Variants in MET observed in about 807,000 individuals in gnomAD.
MET encodes hepatocyte growth factor receptor.
In MET, 48 loss-of-function variants were observed where a neutral mutation model predicts 133.1. The observed-to-expected ratio is 0.36, with a 90% confidence interval of 0.29 to 0.46. The LOEUF is 0.46. MET is among the 20% of genes least tolerant of loss of function. MET has a pLI of 1.00. For missense variants in MET, 1,442 were observed against 1,695.9 expected (o/e 0.85, Z 2.63); for synonymous variants, 628 against 616.5 (o/e 1.02, Z -0.28).
At chr7:116,703,832 C>T (rs545671919) in intron 2 of MET, among the ~76,000 whole-genome samples, 3 of 152,192 alleles carry the variant, frequency 2.0e-5, no homozygotes, top group South Asian at 2.1e-4. Flanking sequence ...CAAGTGAAAT[C>T]GTACATTTTA....
Position 116,699,112 on chromosome 7 carries a change from G to A in MET, c.28G>A (p.Gly10Ser), listed in dbSNP as rs2116578256. The stretch of plus-strand genomic sequence containing the variant: ...GAAGGCCCCCGCTGTGCTTGCACCT[G>A]GCATCCTCGTGCTCCTGTTTACCTT... MKAPAVLAPGILVLLFTLVQ... is the reference protein window; with the variant it reads MKAPAVLAPSILVLLFTLVQ... Residue 10 changes from glycine (G) to serine (S), a missense_variant, in exon 2 of 21, where the codon GGC (glycine) becomes AGC (serine). Around this residue, in one of 6 missense-constraint regions of MET, gnomAD observed 762 missense variants for 792.4 expected, o/e 0.96. Coordinates refer to ENST00000397752, the MANE Select transcript of MET (RefSeq NM_000245.4). 6.2e-7 allele frequency: 1 copy of A among 1,613,832 alleles called. No individual in the cohort carries two copies. Among genetic ancestry groups the A allele is most frequent in the Non-Finnish European group, 8.5e-7 (1 of 1,179,832 alleles).
chr7:116,724,725 C>A, intron 2 of MET: 2 of 927,412 alleles, frequency 2.2e-6, no homozygotes, highest in Non-Finnish European at 3.0e-6. Context: ...CCCGGTAGAG[C>A]TGGAAGAGAA....
At chr7:116,681,610 A>G (rs1239501260) in intron 1 of MET, among the ~76,000 whole-genome samples, 1 of 152,206 alleles carries the variant, frequency 6.6e-6, no homozygotes, top group Admixed American at 6.5e-5. Flanking sequence ...ATAAAGATTC[A>G]AGGAAAGCTT....
chr7:116,716,635 A>G (rs2116688448), intron 2 of MET, among the ~76,000 whole-genome samples: 1 of 152,316 alleles, frequency 6.6e-6, no homozygotes, highest in Admixed American at 6.5e-5. Context: ...AAGCTGGAAG[A>G]GGAAATCAGT....
intron 1 of MET, among the ~76,000 whole-genome samples, chr7:116,693,729 A>C (rs1184897454): frequency 6.6e-6 from 1 of 152,154 alleles, no homozygotes; most frequent in Non-Finnish European, 1.5e-5. Flanking sequence ...CTGAGATCTC[A>C]CTGACATTTG....
chr7:116,683,903 T>A (rs922300636), intron 1 of MET, among the ~76,000 whole-genome samples: 1 of 152,234 alleles, frequency 6.6e-6, no homozygotes, highest in Non-Finnish European at 1.5e-5. Context: ...TCTGAATTCC[T>A]CCTTTCTACT....
chr7:116,792,894 T>C (rs990699363), intron 19 of MET, among the ~76,000 whole-genome samples: 1 of 152,234 alleles, frequency 6.6e-6, no homozygotes, highest in African/African-American at 2.4e-5. Context: ...TTATAAGGAT[T>C]AAATAAGATG....
At chr7:116,772,766 C>G (rs1403999086) in intron 14 of MET, among the ~76,000 whole-genome samples, 1 of 152,094 alleles carries the variant, frequency 6.6e-6, no homozygotes. Context: ...AGTTGCTCAT[C>G]CAAACAAGTT....
chr7:116,748,201 G>A (rs1338449474), intron 5 of MET, among the ~76,000 whole-genome samples: 5 of 152,190 alleles, frequency 3.3e-5, no homozygotes, highest in African/African-American at 7.2e-5. Flanking sequence ...CCGCGAAGGC[G>A]CCACTGCACT....
At chr7:116,761,223 G>A (rs145396158) in intron 10 of MET, among the ~76,000 whole-genome samples, 8 of 152,192 alleles carry the variant, frequency 5.3e-5, no homozygotes, top group South Asian at 2.1e-4. Flanking sequence ...AATGGTAGAC[G>A]ATAAAAATCT....
intron 17 of MET, among the ~76,000 whole-genome samples, chr7:116,779,421 C>T (rs1256761667): frequency 1.3e-5 from 2 of 152,210 alleles, no homozygotes; most frequent in Admixed American, 6.5e-5. Flanking sequence ...GAACACTCTC[C>T]CCGCAAATAG....
intron 2 of MET, among the ~76,000 whole-genome samples, chr7:116,707,638 C>G (rs983979332): frequency 6.6e-6 from 1 of 152,102 alleles, no homozygotes; most frequent in East Asian, 1.9e-4. Context: ...CATCTAGCAA[C>G]CAGTCTACTA....
rs139706580 is a variant in MET, at chr7:116,730,675, G to A, written c.1201-993G>A. Among the ~76,000 whole-genome samples the A allele has an allele frequency of 7.9e-5, 12 of 152,244 alleles. No individual in the cohort carries two copies. The East Asian group carries it at 1.4e-3, about 17-fold the overall frequency. ...TTGGTGATGGACTGTATATGGGGGCGGAGGGAGAGGGAGGAATTGGAGATG... is the reference window on the plus strand; with the variant it reads ...TTGGTGATGGACTGTATATGGGGGCAGAGGGAGAGGGAGGAATTGGAGATG... On this transcript the variant is annotated intron_variant, in intron 2 of 20. Coordinates refer to ENST00000397752, the MANE Select transcript of MET (RefSeq NM_000245.4).
At chr7:116,687,558 G>A (rs1382141349) in intron 1 of MET, among the ~76,000 whole-genome samples, 1 of 152,172 alleles carries the variant, frequency 6.6e-6, no homozygotes, top group Non-Finnish European at 1.5e-5. Flanking sequence ...ATGTGGCCAG[G>A]TTTGGCTATT....
intron 5 of MET, among the ~76,000 whole-genome samples, chr7:116,747,998 C>G (rs1793758156): frequency 6.6e-6 from 1 of 152,248 alleles, no homozygotes; most frequent in Non-Finnish European, 1.5e-5. Flanking sequence ...GTAATCCCAG[C>G]ACTTTGGGAG....
chr7:116,741,958 A>G lies in MET; in HGVS notation c.1701+933A>G, dbSNP rs904453227. Among the ~76,000 whole-genome samples the G allele has an allele frequency of 2.0e-5, 3 of 152,362 alleles. No homozygotes were observed. The South Asian group carries it at 6.2e-4, about 32-fold the overall frequency. Reference sequence around the variant, plus strand: ...TTTGCTTAAGCATATATTCGGCACTATGAAAATCTCCACGCAATTTTTAAA... The same window carrying G: ...TTTGCTTAAGCATATATTCGGCACTGTGAAAATCTCCACGCAATTTTTAAA... On this transcript the variant is annotated intron_variant, in intron 5 of 20. Transcript: ENST00000397752.
intron 1 of MET, among the ~76,000 whole-genome samples, chr7:116,692,918 A>T (rs577740223): frequency 1.9e-4 from 29 of 152,364 alleles, no homozygotes; most frequent in Non-Finnish European, 3.8e-4. Context: ...AGTTGGTTAA[A>T]TGGCTAGCTC....
chr7:116,724,822 G>A lies in MET; in HGVS notation c.1201-6846G>A, dbSNP rs796471380. ...GAAGACCCTGGAGCCAGAGAGCCTA[G>A]GCTTAGTCCTAGCCCTGCACTGAAG... On this transcript the variant is annotated intron_variant, in intron 2 of 20. Coordinates refer to ENST00000397752, the MANE Select transcript of MET (RefSeq NM_000245.4). 69 of 1,289,186 alleles carry A rather than the reference G, an allele frequency of 5.4e-5. No homozygotes were observed. The African/African-American group carries it at 6.2e-4, about 12-fold the overall frequency. 79.9% of individuals were successfully genotyped at this position (1,289,186 alleles called of 1,614,324 possible). A position where few individuals can be genotyped will look rare whatever the true frequency, so the allele number is the denominator to read the frequency against.
intron 19 of MET, among the ~76,000 whole-genome samples, chr7:116,792,954 A>G (rs1296525889): frequency 6.6e-6 from 1 of 152,204 alleles, no homozygotes; most frequent in East Asian, 1.9e-4. Flanking sequence ...TGACAAATAC[A>G]CTCTTTCACT....
Sources: gnomAD v4.1 joint callset for allele counts (sites outside exome capture counted in the v4.1 genomes callset) on GRCh38, gnomAD v4.1.1 for gene constraint, gnomAD v4.1.1 regional missense constraint, MANE v1.5 for transcripts, NCBI Gene and HGNC (gene_info 2026-07-23, HGNC 2026-07-21) for gene names.